Variants in SETD2 observed in about 807,000 individuals in gnomAD.
SETD2 encodes the protein histone-lysine N-methyltransferase SETD2.
A neutral mutation model predicts 242.1 loss-of-function variants in SETD2; 31 were observed. That is an observed-to-expected ratio of 0.13 (90% CI 0.10 to 0.17). The LOEUF (loss-of-function observed/expected upper bound fraction) is 0.17. SETD2 is among the 10% of genes least tolerant of loss of function. SETD2 has a pLI of 1.00. For synonymous variants in SETD2, 1,006 were observed against 1,066.5 expected (o/e 0.94, Z 1.11); for missense variants, 2,481 against 3,046.3 (o/e 0.81, Z 4.37).
chr3:47,020,793 T>C (rs1223560847), intron 18 of SETD2, among the ~76,000 whole-genome samples: 1 of 152,122 alleles, frequency 6.6e-6, no homozygotes, highest in East Asian at 1.9e-4. Context: ...GTAGAATAAT[T>C]TTCCTGCTCC....
chr3:47,094,077 T>C (rs137894712), intron 9 of SETD2, among the ~76,000 whole-genome samples: 150 of 152,144 alleles, frequency 9.9e-4, no homozygotes, highest in African/African-American at 3.4e-3. Context: ...GAAAGTTAAG[T>C]ATTTCTTCTC....
Position 47,017,387 on chromosome 3 carries a change from T to A in SETD2, c.7534-133A>T, listed in dbSNP as rs2038025673. ...CCAAGACAGGAAGTTAATAAGGGGG[T>A]AGATGTTGGGGCAGGCTGGTGCTAT... is the stretch of plus-strand genomic sequence containing the variant. On this transcript the variant is annotated intron_variant, in intron 20 of 20. Transcript: ENST00000409792. This position sits in a 1 kb window ranked among gnomAD's most constrained non-coding sequence, Gnocchi z 4.8. The A allele has an allele frequency of 3.1e-6, 3 of 960,834 alleles. No individual in the cohort carries two copies. In the East Asian group the frequency reaches 7.8e-5, roughly 25 times the overall value. 59.5% of individuals were successfully genotyped at this position (960,834 alleles called of 1,614,324 possible).
chr3:47,089,023 A>C (rs1161811138), intron 9 of SETD2, among the ~76,000 whole-genome samples: 1 of 152,240 alleles, frequency 6.6e-6, no homozygotes, highest in South Asian at 2.1e-4. Flanking sequence ...ATGCAACAAC[A>C]TCCATCAATC....
chr3:47,058,222 C>G (rs1442512230), intron 14 of SETD2, among the ~76,000 whole-genome samples: 1 of 151,956 alleles, frequency 6.6e-6, no homozygotes, highest in East Asian at 1.9e-4. Context: ...GCAGGCAGAT[C>G]ACCTGAGGTC....
chr3:47,157,848 G>A (rs2044160996), intron 1 of SETD2, among the ~76,000 whole-genome samples: 1 of 151,070 alleles, frequency 6.6e-6, no homozygotes, highest in African/African-American at 2.4e-5. Context: ...ACCCCAGCCT[G>A]GGCAACAAGA....
intron 1 of SETD2, among the ~76,000 whole-genome samples, chr3:47,139,069 CA>C (rs2043662557): frequency 1.3e-5 from 2 of 152,092 alleles, no homozygotes; most frequent in Non-Finnish European, 2.9e-5. Flanking sequence ...TGGGTTCAAG[CA>C]ATCCTCCCTC....
intron 12 of SETD2, among the ~76,000 whole-genome samples, chr3:47,067,882 A>G (rs2040633396): frequency 6.6e-6 from 1 of 152,240 alleles, no homozygotes. Context: ...GGCCAATGTA[A>G]TATCTACTTT....
Position 47,119,828 on chromosome 3 carries a change from C to CT in SETD2, c.4454+353dup, listed in dbSNP as rs781194767. The CT allele has an allele frequency of 1.9e-5, 9 of 478,240 alleles. No individual in the cohort carries two copies. The East Asian group carries it at 5.7e-4, about 31-fold the overall frequency. 29.6% of individuals were successfully genotyped at this position (478,240 alleles called of 1,614,324 possible). On this transcript the variant is annotated intron_variant, in intron 3 of 20. Coordinates refer to ENST00000409792, the MANE Select transcript of SETD2 (RefSeq NM_014159.7). The stretch of plus-strand genomic sequence containing the variant: ...TCCAAAGTAACCACTTTTTTCTTCT[C>CT]TAAGTACAGATTATTTTGCTGGGGT...
chr3:47,106,243 CA>C, intron 5 of SETD2, 123 bp from the exon 6 acceptor site: 1 of 857,714 alleles, frequency 1.2e-6, no homozygotes, highest in South Asian at 2.2e-5. Context: ...AGTTATTACA[CA>C]AAATAAATTT....
chr3:47,070,538 G>A (rs1222966758), intron 12 of SETD2, among the ~76,000 whole-genome samples: 3 of 152,186 alleles, frequency 2.0e-5, no homozygotes, highest in Non-Finnish European at 4.4e-5. Flanking sequence ...AAGCAGCCAC[G>A]CGAGGATAAC....
chr3:47,156,851 T>C (rs1428363341), intron 1 of SETD2, among the ~76,000 whole-genome samples: 1 of 152,202 alleles, frequency 6.6e-6, no homozygotes, highest in African/African-American at 2.4e-5. Flanking sequence ...ACATGAATTA[T>C]AAGAATTTGA....
intron 1 of SETD2, among the ~76,000 whole-genome samples, chr3:47,139,793 G>A (rs962744347): frequency 9.2e-5 from 14 of 152,104 alleles, no homozygotes; most frequent in African/African-American, 3.4e-4. Context: ...AGCTATGAGT[G>A]ATACACTGCT....
intron 12 of SETD2, among the ~76,000 whole-genome samples, chr3:47,076,011 G>C (rs2041058447): frequency 6.6e-6 from 1 of 152,116 alleles, no homozygotes; most frequent in Non-Finnish European, 1.5e-5. Context: ...CAGGACACTG[G>C]GAAGACCCAA....
Position 47,121,263 on chromosome 3 carries a change from A to C in SETD2, c.3373T>G (p.Cys1125Gly), listed in dbSNP as rs2043072789. 2 of 1,613,872 alleles carry C rather than the reference A, an allele frequency of 1.2e-6. No individual in the cohort carries two copies. The highest frequency in any genetic ancestry group is 2.7e-5 in the African/African-American group (2 of 74,920). Residue 1125 changes from cysteine to glycine, a missense_variant, in exon 3 of 21, where the codon TGT (cysteine) becomes GGT (glycine). Around this residue, in one of 17 missense-constraint regions of SETD2, gnomAD observed 1,300 missense variants for 1,259.2 expected, o/e 1.03. Coordinates refer to ENST00000409792, the MANE Select transcript of SETD2 (RefSeq NM_014159.7). ...AGGAAAAACTTATCAGTTTGAGGAC[A>C]GGCTTTACTTGCTATACTTTCAAAT... is the stretch of plus-strand genomic sequence containing the variant. ...EKFESIASKA[C>G]PQTDKFFLHK...
At position 47,120,968 on chromosome 3, in the gene SETD2, T is replaced by C. The variant is rs201973823; in HGVS notation, c.3668A>G (p.Gln1223Arg). 5 of 1,614,240 alleles carry C rather than the reference T, an allele frequency of 3.1e-6. No individual in the cohort carries two copies. The highest frequency in any genetic ancestry group is 1.6e-4 in the Middle Eastern group (1 of 6,062). Reference protein sequence around the residue: ...PNKSWQQTTFQNRPDSRLGKT... With the variant: ...PNKSWQQTTFRNRPDSRLGKT... ...TCCCAGTCTACTATCTGGCCTGTTT[T>C]GGAAAGTGGTCTGTTGCCAAGACTT... is the stretch of plus-strand genomic sequence containing the variant. The change falls in exon 3 of 21, where the codon CAA (glutamine) becomes CGA (arginine). Residue 1223 changes from glutamine to arginine, a missense_variant. Around this residue, in one of 17 missense-constraint regions of SETD2, gnomAD observed 1,300 missense variants for 1,259.2 expected, o/e 1.03. Coordinates refer to ENST00000409792, the MANE Select transcript of SETD2 (RefSeq NM_014159.7).
upstream of SETD2, among the ~76,000 whole-genome samples, chr3:47,164,143 A>C (rs1697600594): frequency 1.3e-5 from 2 of 151,668 alleles, no homozygotes. This position sits in a 1 kb window ranked among gnomAD's most constrained non-coding sequence, Gnocchi z 5.4. Flanking sequence ...GGAGCGACGC[A>C]CACCCCACCC....
rs36013776 is a variant in SETD2, at chr3:47,023,399, CA to C, written c.7351-3560del. On this transcript the variant is annotated intron_variant, in intron 18 of 20. Transcript: ENST00000409792. ...TGGGTGACAGAGCGAGACTCTGTCT[CA>C]AAAAAGAAAAAAAAAATACTGTTTA... Among the ~76,000 whole-genome samples, 337 of 148,750 alleles carry C rather than the reference CA, an allele frequency of 2.3e-3. 1 individual carries two copies. The highest frequency in any genetic ancestry group is 4.7e-3 in the South Asian group (22 of 4,676).
In SETD2 at chr3:47,121,834, A is replaced by G. The variant is rs1227675340; in HGVS notation, c.2802T>C (p.Ser934=). 1 of 1,614,102 alleles carries G rather than the reference A, an allele frequency of 6.2e-7. No homozygotes were observed. Among genetic ancestry groups the G allele is most frequent in the Admixed American group, 1.7e-5 (1 of 60,018 alleles). ...AGKETIVEVG[S]DLPDSGKGFA... ...ATCCCTTTCCTGAATCAGGAAGGTC[A>G]CTACCTACTTCTACTATTGTTTCTT... Residue 934 remains serine (S), a synonymous_variant, in exon 3 of 21, where the codon AGT becomes AGC. Transcript: ENST00000409792.
intron 3 of SETD2, chr3:47,119,625 T>C (rs917517998): frequency 9.6e-6 from 3 of 313,548 alleles, no homozygotes; most frequent in East Asian, 1.0e-4. Flanking sequence ...GCCACCACCA[T>C]GTAAGAAGTG....
Sources: gnomAD v4.1 joint callset for allele counts (sites outside exome capture counted in the v4.1 genomes callset) on GRCh38, gnomAD v4.1.1 for gene constraint, gnomAD v4.1.1 regional missense constraint, Gnocchi (gnomAD v3.1) non-coding constraint, MANE v1.5 for transcripts, NCBI Gene and HGNC (gene_info 2026-07-23, HGNC 2026-07-21) for gene names.